ASTN2: variants seen among roughly 807,000 people sequenced by gnomAD.
The protein encoded by ASTN2 is astrotactin-2.
Under a neutral mutation model 139.8 loss-of-function variants are expected in ASTN2, and 54 were observed. That is an observed-to-expected ratio of 0.39 (90% CI 0.31 to 0.48). The LOEUF (loss-of-function observed/expected upper bound fraction) is 0.48. ASTN2 is among the 20% of genes least tolerant of loss of function. ASTN2 has a pLI of 0.95. For missense variants in ASTN2, 1,565 were observed against 1,725.1 expected, an observed-to-expected ratio of 0.91 and a Z score of 1.64; for synonymous variants, 756 against 719.5, an observed-to-expected ratio of 1.05 and a Z score of -0.81.
chr9:116,532,643 G>C (rs1287025122), intron 19 of ASTN2, among the ~76,000 whole-genome samples: 1 of 152,064 alleles, frequency 6.6e-6, no homozygotes, highest in Non-Finnish European at 1.5e-5. Flanking sequence ...TCTTGTTTTT[G>C]TCAGGTTTGT....
intron 3 of ASTN2, among the ~76,000 whole-genome samples, chr9:117,195,768 C>T (rs940736043): frequency 6.6e-6 from 1 of 152,108 alleles, no homozygotes; most frequent in South Asian, 2.1e-4. Context: ...GGTGAGTTAA[C>T]AAACAGCTTC....
rs558029854 is a variant in ASTN2 at position 116,795,636 on chromosome 9, C to T, written c.2396+9996G>A. 4.6e-5 allele frequency among the ~76,000 whole-genome samples: 7 copies of T among 152,266 alleles called. 1 individual carries two copies. The South Asian group carries it at 1.5e-3, about 32-fold the overall frequency. Reference sequence around the variant, plus strand: ...AGCACCATGTTTACCAAAACATGAGCTGCTTAGAAGAAGTTGAGAGGATAA... The same window carrying T: ...AGCACCATGTTTACCAAAACATGAGTTGCTTAGAAGAAGTTGAGAGGATAA... On this transcript the variant is annotated intron_variant, in intron 13 of 22. Transcript: ENST00000313400.
chr9:117,364,405 A>T (rs960793446), intron 1 of ASTN2, among the ~76,000 whole-genome samples: 3 of 152,204 alleles, frequency 2.0e-5, no homozygotes, highest in African/African-American at 7.2e-5. Flanking sequence ...TAAAGAAAGA[A>T]ATGGGCCAGG....
At position 117,324,232 on chromosome 9, in the gene ASTN2, C is replaced by T. The variant is rs12236387; in HGVS notation, c.443-32719G>A. Reference sequence around the variant, plus strand: ...AAGAGAAAGGACAAAAGTGTTCCAGCCAAGGTGAACAGATATGTGAACATA... The same window carrying T: ...AAGAGAAAGGACAAAAGTGTTCCAGTCAAGGTGAACAGATATGTGAACATA... On this transcript the variant is annotated intron_variant, in intron 1 of 22. Transcript: ENST00000313400. Among the ~76,000 whole-genome samples, 946 of 152,106 alleles carry T rather than the reference C, an allele frequency of 6.2e-3. 7 individuals carry two copies. The highest frequency in any genetic ancestry group is 0.046 in the East Asian group (238 of 5,172).
rs527698167 is a variant in ASTN2, at chr9:116,425,405, G to C, written c.*446C>G. 24 of 673,164 alleles carry C rather than the reference G, an allele frequency of 3.6e-5. No individual in the cohort carries two copies. The South Asian group carries it at 4.3e-4, about 12-fold the overall frequency. 41.7% of individuals were successfully genotyped at this position (673,164 alleles called of 1,614,324 possible). A position where few individuals can be genotyped will look rare whatever the true frequency, so the allele number is the denominator to read the frequency against. On this transcript the variant is annotated 3_prime_UTR_variant, in exon 23 of 23. Coordinates refer to ENST00000313400, the MANE Select transcript of ASTN2 (RefSeq NM_001365068.1). ...CCATCCTCAGAGCTTCCTTCCTGGT[G>C]CTGAAGAGGTCAAAACTGTCTCCTC...
At chr9:116,591,371 T>G (rs1460258902) in intron 19 of ASTN2, among the ~76,000 whole-genome samples, 1 of 152,176 alleles carries the variant, frequency 6.6e-6, no homozygotes, top group East Asian at 1.9e-4. Flanking sequence ...CCTGACTATG[T>G]GCAGTAGCTG....
At position 117,035,518 on chromosome 9, in the gene ASTN2, A is replaced by C. The variant is rs72757431; in HGVS notation, c.1423+4301T>G. ...TCCAGAAATCAGAGCTGGAAACTCC[A>C]GTAGTACAATTTATAAAATCAATTT... is the stretch of plus-strand genomic sequence containing the variant. On this transcript the variant is annotated intron_variant, in intron 6 of 22. Coordinates refer to ENST00000313400, the MANE Select transcript of ASTN2 (RefSeq NM_001365068.1). Among the ~76,000 whole-genome samples the C allele has an allele frequency of 8.9e-3, 1,351 of 152,276 alleles. 8 individuals are homozygous for C. Among genetic ancestry groups the C allele is most frequent in the Non-Finnish European group, 0.015 (1,043 of 68,014 alleles).
chr9:117,011,667 C>A (rs1464260875), intron 6 of ASTN2, among the ~76,000 whole-genome samples: 1 of 152,172 alleles, frequency 6.6e-6, no homozygotes, highest in Non-Finnish European at 1.5e-5. Flanking sequence ...GTCCTCTGCT[C>A]ATTCGTGGCA....
chr9:117,079,975 A>G (rs776550018), intron 5 of ASTN2, among the ~76,000 whole-genome samples: 6 of 51,772 alleles, frequency 1.2e-4, no homozygotes, highest in Non-Finnish European at 2.0e-4. Flanking sequence ...AATGGCCATT[A>G]CACAGCTGAG....
intron 19 of ASTN2, among the ~76,000 whole-genome samples, chr9:116,599,745 A>G (rs1225155296): frequency 1.3e-5 from 2 of 152,128 alleles, no homozygotes; most frequent in Non-Finnish European, 2.9e-5. Context: ...GAAGTAATTA[A>G]CCTATATTTT....
At chr9:116,916,830 T>A (rs1464139017) in intron 10 of ASTN2, among the ~76,000 whole-genome samples, 2 of 151,630 alleles carry the variant, frequency 1.3e-5, no homozygotes, top group African/African-American at 4.9e-5. Flanking sequence ...AGACCCAGTC[T>A]CAAAAAAACA....
chr9:117,142,950 C>A (rs1435137954), intron 3 of ASTN2, among the ~76,000 whole-genome samples: 1 of 152,150 alleles, frequency 6.6e-6, no homozygotes, highest in African/African-American at 2.4e-5. Context: ...CCAACAATTT[C>A]TGTTTCTTTG....
At chr9:116,755,017 A>G (rs1019419226) in intron 13 of ASTN2, among the ~76,000 whole-genome samples, 13 of 151,892 alleles carry the variant, frequency 8.6e-5, no homozygotes, top group African/African-American at 3.1e-4. Context: ...TGTCACTCAA[A>G]CCCACCCTGC....
chr9:116,695,916 C>CT (rs1481647793), intron 16 of ASTN2, among the ~76,000 whole-genome samples: 2 of 152,138 alleles, frequency 1.3e-5, no homozygotes, highest in Non-Finnish European at 2.9e-5. Flanking sequence ...ATCATCTAGG[C>CT]TTGAGTCTTT....
Position 116,801,875 on chromosome 9 carries a change from T to C in ASTN2, c.2396+3757A>G, listed in dbSNP as rs1048251761. On this transcript the variant is annotated intron_variant, in intron 13 of 22. Transcript: ENST00000313400. Reference sequence around the variant, plus strand: ...TCTTGAGGGTCATCAAAAGAGAAAATCCTGGTCTGTTCACTGTACTCCCCT... The same window carrying C: ...TCTTGAGGGTCATCAAAAGAGAAAACCCTGGTCTGTTCACTGTACTCCCCT... 4.6e-5 allele frequency among the ~76,000 whole-genome samples: 7 copies of C among 151,874 alleles called. No individual in the cohort carries two copies. In the South Asian group the frequency reaches 1.5e-3, roughly 32 times the overall value.
intron 19 of ASTN2, among the ~76,000 whole-genome samples, chr9:116,506,069 C>T (rs974288368): frequency 2.6e-5 from 4 of 152,148 alleles, no homozygotes; most frequent in African/African-American, 4.8e-5. Context: ...ACCATCATTG[C>T]CTCCCAACCC....
At chr9:116,917,301 A>G (rs145212491) in intron 10 of ASTN2, among the ~76,000 whole-genome samples, 125 of 152,208 alleles carry the variant, frequency 8.2e-4, no homozygotes, top group Middle Eastern at 3.4e-3. Context: ...TGCAAGTATT[A>G]ATAATTGGTG....
chr9:116,800,989 A>T (rs991836111), intron 13 of ASTN2, among the ~76,000 whole-genome samples: 3 of 152,092 alleles, frequency 2.0e-5, no homozygotes, highest in African/African-American at 7.2e-5. Flanking sequence ...GGCAGGGAGG[A>T]GTACAAAGCA....
At chr9:117,038,230 G>A (rs13286133) in intron 6 of ASTN2, among the ~76,000 whole-genome samples, 22,217 of 152,032 alleles carry the variant, frequency 0.15, 1,954 homozygotes, top group African/African-American at 0.25. Context: ...GAAACTTAAC[G>A]GAAATAAAAT....
Sources: gnomAD v4.1 joint callset for allele counts (sites outside exome capture counted in the v4.1 genomes callset) on GRCh38, gnomAD v4.1.1 for gene constraint, MANE v1.5 for transcripts, NCBI Gene and HGNC (gene_info 2026-07-23, HGNC 2026-07-21) for gene names.